Variants in CADM2 observed in about 807,000 individuals in gnomAD.
The protein encoded by CADM2 is cell adhesion molecule 2.
In CADM2, 12 loss-of-function variants were observed where a neutral mutation model predicts 49.8. The ratio of observed to expected loss-of-function variants is 0.24; its 90% CI spans 0.15 to 0.39. The LOEUF is 0.39. Among genes scored for constraint, CADM2 ranks in the 10% least tolerant of loss-of-function variants. The pLI is 1.00. For synonymous variants in CADM2, 214 were observed against 175.4 expected, an observed-to-expected ratio of 1.22 and a Z score of -1.74; for missense variants, 378 against 492.3, an observed-to-expected ratio of 0.77 and a Z score of 2.20.
rs79308716 is a variant in CADM2, at chr3:85,165,821, C to G, written c.61+206153C>G. ...CTCTTAGGAAAATTGAATTACTAAC[C>G]AGTAATTATAGTTCTCTGAATCTAA... On this transcript the variant is annotated intron_variant, in intron 1 of 9. Coordinates refer to ENST00000383699, the MANE Select transcript of CADM2 (RefSeq NM_001167675.2). Among the ~76,000 whole-genome samples the G allele has an allele frequency of 1.9e-3, 283 of 151,664 alleles. 10 individuals are homozygous for G. In the East Asian group the frequency reaches 0.05, roughly 27 times the overall value.
At chr3:85,231,948 C>T (rs1047962590) in intron 1 of CADM2, among the ~76,000 whole-genome samples, 2 of 151,504 alleles carry the variant, frequency 1.3e-5, no homozygotes, top group African/African-American at 2.4e-5. Context: ...CTCCTGACCC[C>T]AAGTGATCCA....
intron 1 of CADM2, among the ~76,000 whole-genome samples, chr3:85,099,508 T>G (rs2037931702): frequency 6.6e-6 from 1 of 151,878 alleles, no homozygotes; most frequent in Non-Finnish European, 1.5e-5. Flanking sequence ...CTCACTCTGT[T>G]GCCCAGGCTG....
chr3:85,566,990 T>C (rs1436025220), intron 1 of CADM2, among the ~76,000 whole-genome samples: 1 of 152,188 alleles, frequency 6.6e-6, no homozygotes, highest in African/African-American at 2.4e-5. Context: ...TTATAACCAA[T>C]TAAGCTTCCC....
intron 1 of CADM2, among the ~76,000 whole-genome samples, chr3:85,297,156 G>A (rs539108782): frequency 6.6e-6 from 1 of 151,798 alleles, no homozygotes; most frequent in East Asian, 1.9e-4. Flanking sequence ...ACTAGCATGT[G>A]CACTTTTATT....
intron 1 of CADM2, among the ~76,000 whole-genome samples, chr3:85,612,781 T>G (rs2063712155): frequency 6.6e-6 from 1 of 151,780 alleles, no homozygotes; most frequent in Admixed American, 6.6e-5. Flanking sequence ...GGAACAAAAA[T>G]TTTTAAATAG....
At chr3:85,581,571 C>G (rs1049399462) in intron 1 of CADM2, among the ~76,000 whole-genome samples, 2 of 151,962 alleles carry the variant, frequency 1.3e-5, no homozygotes, top group Admixed American at 1.3e-4. Context: ...GTATTTGCAG[C>G]ACAATTACAA....
intron 1 of CADM2, among the ~76,000 whole-genome samples, chr3:85,244,385 G>A (rs2042602278): frequency 6.6e-6 from 1 of 152,058 alleles, no homozygotes. Flanking sequence ...GACTCAACTT[G>A]TTTAAACCAA....
At chr3:85,238,201 G>T (rs1457386364) in intron 1 of CADM2, among the ~76,000 whole-genome samples, 1 of 151,824 alleles carries the variant, frequency 6.6e-6, no homozygotes, top group East Asian at 1.9e-4. Flanking sequence ...ATTTCTAAAG[G>T]AGAGGAAATC....
chr3:85,038,359 A>C (rs1247868432), intron 1 of CADM2, among the ~76,000 whole-genome samples: 1 of 152,258 alleles, frequency 6.6e-6, no homozygotes. Flanking sequence ...CTTAGTTCAC[A>C]TCCCAGAATA....
intron 1 of CADM2, among the ~76,000 whole-genome samples, chr3:85,295,627 C>T (rs58803795): frequency 6.6e-6 from 1 of 152,020 alleles, no homozygotes; most frequent in Non-Finnish European, 1.5e-5. Context: ...ATGATGAGTT[C>T]ATGTCCTTTG....
intron 1 of CADM2, among the ~76,000 whole-genome samples, chr3:85,278,384 T>G (rs2043411237): frequency 6.6e-6 from 1 of 151,364 alleles, no homozygotes; most frequent in Non-Finnish European, 1.5e-5. Flanking sequence ...AACTCTAATT[T>G]TATTCTGAAG....
intron 1 of CADM2, among the ~76,000 whole-genome samples, chr3:85,027,153 C>T (rs2034770122): frequency 1.7e-5 from 2 of 115,602 alleles, no homozygotes; most frequent in African/African-American, 3.4e-5. Context: ...CTCGCTCTTT[C>T]ACCCAGGCTG....
intron 1 of CADM2, among the ~76,000 whole-genome samples, chr3:85,629,633 A>T (rs1363001240): frequency 6.6e-6 from 1 of 151,968 alleles, no homozygotes; most frequent in African/African-American, 2.4e-5. Flanking sequence ...TTCACAATAG[A>T]ACTATGAAGT....
chr3:85,278,719 TGTGTG>T lies in CADM2; in HGVS notation c.61+319052_61+319056del, dbSNP rs1265133700. Among the ~76,000 whole-genome samples the T allele has an allele frequency of 7.4e-3, 8 of 1,076 alleles. No homozygotes were observed. In the African/African-American group the frequency reaches 0.1, roughly 13 times the overall value. The allele number at this position is 1,076 out of a possible 152,430, so 0.7% of individuals were successfully genotyped here. A position where few individuals can be genotyped will look rare whatever the true frequency, so the allele number is the denominator to read the frequency against. ...GAAATGTTCTCACTGCTGATGTTCT[TGTGTG>T]TGTGTGTGTGTGTGTGTGTGTGTGT... On this transcript the variant is annotated intron_variant, in intron 1 of 9. Coordinates refer to ENST00000383699, the MANE Select transcript of CADM2 (RefSeq NM_001167675.2).
At chr3:85,983,183 G>A (rs1256354738) in intron 8 of CADM2, among the ~76,000 whole-genome samples, 5 of 151,590 alleles carry the variant, frequency 3.3e-5, no homozygotes, top group Non-Finnish European at 7.4e-5. Context: ...AAACTACACT[G>A]GATTGACAGT....
intron 1 of CADM2, among the ~76,000 whole-genome samples, chr3:85,214,872 A>T (rs1265931148): frequency 6.6e-6 from 1 of 151,986 alleles, no homozygotes. Flanking sequence ...CATCTTACCC[A>T]GGGCAGGTCT....
At position 85,010,661 on chromosome 3, in the gene CADM2, T is replaced by C. The variant is rs375548691; in HGVS notation, c.61+50993T>C. ...TAAAGACTTCTTGCCTGGGCTTTAC[T>C]TAAACCTGTCCTTGTTACTCCCCTC... On this transcript the variant is annotated intron_variant, in intron 1 of 9. Coordinates refer to ENST00000383699, the MANE Select transcript of CADM2 (RefSeq NM_001167675.2). Among the ~76,000 whole-genome samples, 11 of 151,936 alleles carry C rather than the reference T, an allele frequency of 7.2e-5. No individual in the cohort carries two copies. The East Asian group carries it at 1.7e-3, about 24-fold the overall frequency.
intron 2 of CADM2, among the ~76,000 whole-genome samples, chr3:85,794,522 G>T (rs1478210020): frequency 6.6e-6 from 1 of 152,112 alleles, no homozygotes; most frequent in Non-Finnish European, 1.5e-5. Flanking sequence ...AGAAGGAGAG[G>T]AAGAAAATAA....
chr3:85,871,207 A>G (rs1370489067), intron 3 of CADM2, among the ~76,000 whole-genome samples: 3 of 152,220 alleles, frequency 2.0e-5, no homozygotes, highest in Non-Finnish European at 4.4e-5. Context: ...AACCCCATTA[A>G]AAAGTGGGTA....
Sources: gnomAD v4.1 joint callset for allele counts (sites outside exome capture counted in the v4.1 genomes callset) on GRCh38, gnomAD v4.1.1 for gene constraint, MANE v1.5 for transcripts, NCBI Gene and HGNC (gene_info 2026-07-23, HGNC 2026-07-21) for gene names.